Variants in PSME4 observed in about 807,000 individuals in gnomAD.
PSME4 encodes proteasome activator complex subunit 4.
Under a neutral mutation model 253.9 loss-of-function variants are expected in PSME4, and 89 were observed. The observed-to-expected ratio is 0.35, with a 90% confidence interval of 0.30 to 0.42. PSME4 has a LOEUF of 0.42. PSME4 is among the 10% of genes least tolerant of loss of function. The pLI is 1.00. For missense variants in PSME4, 2,014 were observed against 2,195.2 expected, an observed-to-expected ratio of 0.92 and a Z score of 1.65; for synonymous variants, 851 against 759.2, an observed-to-expected ratio of 1.12 and a Z score of -1.99.
intron 10 of PSME4, among the ~76,000 whole-genome samples, chr2:53,929,118 A>T (rs897227665): frequency 3.9e-5 from 6 of 151,906 alleles, no homozygotes; most frequent in African/African-American, 1.5e-4. Context: ...GTGAGCCAAG[A>T]TTATGCCACT....
At chr2:53,885,594 TCA>T (rs1679599288) in intron 41 of PSME4, 94 bp downstream of exon 41, 1 of 805,846 alleles carries the variant, frequency 1.2e-6, no homozygotes, top group Non-Finnish European at 2.0e-6. Context: ...CAATCAAAAT[TCA>T]CACTGTCTGA....
rs1669090383 is a variant in PSME4, at chr2:53,936,013, C to G, written c.834+74G>C. The G allele has an allele frequency of 3.9e-6, 6 of 1,527,878 alleles. No individual in the cohort carries two copies. In the South Asian group the frequency reaches 5.0e-5, roughly 13 times the overall value. 94.6% of individuals were successfully genotyped at this position (1,527,878 alleles called of 1,614,324 possible). The stretch of plus-strand genomic sequence containing the variant: ...GGTTCAAGAGATTCTCCTGCCTCAG[C>G]CACCCGAGCAGCTGGGATTACAGGC... On this transcript the variant is annotated intron_variant, in intron 7 of 46. Coordinates refer to ENST00000404125, the MANE Select transcript of PSME4 (RefSeq NM_014614.3).
intron 41 of PSME4, among the ~76,000 whole-genome samples, chr2:53,877,379 C>A (rs1451297861): frequency 2.6e-5 from 4 of 151,520 alleles, no homozygotes; most frequent in Non-Finnish European, 4.4e-5. Context: ...CAGCACTGCA[C>A]TCTAGCCAGG....
At chr2:53,916,198 G>A (rs569412744) in intron 20 of PSME4, among the ~76,000 whole-genome samples, 55 of 134,524 alleles carry the variant, frequency 4.1e-4, no homozygotes, top group African/African-American at 1.5e-3. Flanking sequence ...AGTGAGCTGA[G>A]ATCCCACCAC....
intron 1 of PSME4, among the ~76,000 whole-genome samples, chr2:53,967,968 A>G (rs1178450679): frequency 6.6e-6 from 1 of 152,116 alleles, no homozygotes; most frequent in Non-Finnish European, 1.5e-5. Context: ...CAGAGTAGAA[A>G]TGCTTCTCAA....
rs1668251155 is a variant in PSME4, at chr2:53,920,420, T to C, written c.2263-70A>G. 17 of 1,369,808 alleles carry C rather than the reference T, an allele frequency of 1.2e-5. No individual in the cohort carries two copies. In the South Asian group the frequency reaches 1.8e-4, roughly 14 times the overall value. The allele number at this position is 1,369,808 out of a possible 1,614,324, so 84.9% of individuals were successfully genotyped here. ...CAACAACAACAAACCCACATACATA[T>C]ACACAATTTTTAAAATTTAAAAGAA... On this transcript the variant is annotated intron_variant, in intron 18 of 46. Transcript: ENST00000404125.
chr2:53,869,613 G>A (rs1018968190), intron 43 of PSME4, 75 bp from the exon 44 acceptor site: 2 of 1,244,704 alleles, frequency 1.6e-6, no homozygotes, highest in African/African-American at 1.5e-5. Flanking sequence ...GGGTAGTGTG[G>A]GAACTGGGGT....
intron 1 of PSME4, among the ~76,000 whole-genome samples, chr2:53,960,142 G>C (rs545144221): frequency 6.6e-6 from 1 of 152,174 alleles, no homozygotes; most frequent in African/African-American, 2.4e-5. Flanking sequence ...GCTCACGCCC[G>C]TAATCTCAGC....
chr2:53,888,551 A>G lies in PSME4; in HGVS notation c.4388+170T>C, dbSNP rs1402148008. On this transcript the variant is annotated intron_variant, in intron 38 of 46. Coordinates refer to ENST00000404125, the MANE Select transcript of PSME4 (RefSeq NM_014614.3). Reference sequence around the variant, plus strand: ...TCTCACTTACTTGTCCAACTAATAAATAACTCTTATTAAGTATCACATGTT... The same window carrying G: ...TCTCACTTACTTGTCCAACTAATAAGTAACTCTTATTAAGTATCACATGTT... Among the ~76,000 whole-genome samples the G allele has an allele frequency of 2.0e-5, 3 of 152,228 alleles. 1 individual carries two copies. The highest frequency in any genetic ancestry group is 4.1e-4 in the South Asian group (2 of 4,828).
intron 39 of PSME4, 139 bp downstream of exon 39, chr2:53,887,719 C>T (rs148087754): frequency 3.2e-5 from 37 of 1,172,638 alleles, no homozygotes; most frequent in South Asian, 1.3e-4. Context: ...TTGTTTCCCA[C>T]GACACAATAG....
intron 27 of PSME4, 77 bp downstream of exon 27, chr2:53,903,948 A>C: frequency 8.3e-7 from 1 of 1,202,234 alleles, no homozygotes; most frequent in Non-Finnish European, 1.2e-6. Flanking sequence ...GAAGATATGG[A>C]TGTTTACCGT....
rs920088746 is a variant in PSME4, at chr2:53,892,696, T to C, written c.4191+112A>G. On this transcript the variant is annotated intron_variant, in intron 36 of 46. Transcript: ENST00000404125. ...TGTCTACATATCGGCATATTTCATA[T>C]CACTGAAGATTTCATATTTTAATTA... 10 of 976,084 alleles carry C rather than the reference T, an allele frequency of 1.0e-5. No homozygotes were observed. The African/African-American group carries it at 1.1e-4, about 11-fold the overall frequency. 60.5% of individuals were successfully genotyped at this position (976,084 alleles called of 1,614,324 possible).
chr2:53,914,936 C>T (rs548504559), intron 20 of PSME4, among the ~76,000 whole-genome samples: 7 of 152,306 alleles, frequency 4.6e-5, no homozygotes, highest in South Asian at 4.1e-4. Flanking sequence ...TACATGGCAT[C>T]CCCAAAGTGG....
chr2:53,927,496 A>G lies in PSME4; in HGVS notation c.1504-13T>C. 6.5e-7 allele frequency: 1 copy of G among 1,530,034 alleles called. No individual in the cohort carries two copies. Among genetic ancestry groups the G allele is most frequent in the Non-Finnish European group, 9.1e-7 (1 of 1,103,804 alleles). 94.8% of individuals were successfully genotyped at this position (1,530,034 alleles called of 1,614,324 possible). A position where few individuals can be genotyped will look rare whatever the true frequency, so the allele number is the denominator to read the frequency against. On this transcript the variant is annotated splice_polypyrimidine_tract_variant and intron_variant, in intron 11 of 46. Coordinates refer to ENST00000404125, the MANE Select transcript of PSME4 (RefSeq NM_014614.3). Reference sequence around the variant, plus strand: ...ACTGGAATGTGATCTGTGGAAACATACAAAGGATTTTCAACATTACATAAT... The same window carrying G: ...ACTGGAATGTGATCTGTGGAAACATGCAAAGGATTTTCAACATTACATAAT...
chr2:53,925,502 A>T (rs1245406484), intron 14 of PSME4, 37 bp downstream of exon 14: 2 of 1,469,022 alleles, frequency 1.4e-6, no homozygotes, highest in South Asian at 3.1e-5. Flanking sequence ...ATGAAACTTA[A>T]AAGCTGGAAG....
At chr2:53,925,850 C>A in intron 13 of PSME4, 109 bp downstream of exon 13, 1 of 1,269,792 alleles carries the variant, frequency 7.9e-7, no homozygotes, top group Non-Finnish European at 1.1e-6. Flanking sequence ...TCAGGAGCAC[C>A]AGTAGTAGCT....
intron 34 of PSME4, 106 bp from the exon 35 acceptor site, chr2:53,893,905 A>G (rs1680025513): frequency 1.4e-6 from 2 of 1,399,322 alleles, no homozygotes; most frequent in Non-Finnish European, 1.9e-6. Flanking sequence ...AGCAGGCTGT[A>G]TTTTTGTTTC....
chr2:53,899,428 G>C (rs541768385), intron 29 of PSME4, among the ~76,000 whole-genome samples: 1 of 152,258 alleles, frequency 6.6e-6, no homozygotes, highest in East Asian at 1.9e-4. Context: ...AATCTGTGTA[G>C]TAATTACTTC....
chr2:53,903,715 G>T (rs1383265932), intron 27 of PSME4, among the ~76,000 whole-genome samples: 1 of 152,050 alleles, frequency 6.6e-6, no homozygotes, highest in Non-Finnish European at 1.5e-5. Flanking sequence ...TTTTCCTCAG[G>T]AAAGTCTGCT....
Sources: gnomAD v4.1 joint callset for allele counts (sites outside exome capture counted in the v4.1 genomes callset) on GRCh38, gnomAD v4.1.1 for gene constraint, MANE v1.5 for transcripts, NCBI Gene and HGNC (gene_info 2026-07-23, HGNC 2026-07-21) for gene names.